The following HTR4 variants were observed in gnomAD, a reference collection of about 807,000 sequenced individuals.
The protein encoded by HTR4 is 5-hydroxytryptamine (serotonin) receptor 4, G protein-coupled.
In HTR4, 16 loss-of-function variants were observed where a neutral mutation model predicts 36.8. The ratio of observed to expected loss-of-function variants is 0.43; its 90% confidence interval spans 0.29 to 0.66. HTR4 has a LOEUF of 0.66. HTR4 is among the 30% of genes least tolerant of loss of function. HTR4 has a pLI of 0.13. For missense variants in HTR4, 438 were observed against 490.9 expected, an observed-to-expected ratio of 0.89 and a Z score of 1.02; for synonymous variants, 189 against 185.1, an observed-to-expected ratio of 1.02 and a Z score of -0.17.
chr5:148,529,523 G>T (rs543051270), intron 4 of HTR4, among the ~76,000 whole-genome samples: 1 of 152,338 alleles, frequency 6.6e-6, no homozygotes, highest in East Asian at 1.9e-4. Context: ...TGCCATGATT[G>T]TGAGGCTTCC....
At chr5:148,494,523 G>A (rs1380867642) in intron 6 of HTR4, among the ~76,000 whole-genome samples, 1 of 151,910 alleles carries the variant, frequency 6.6e-6, no homozygotes, top group Non-Finnish European at 1.5e-5. Context: ...CTCCGCTATT[G>A]ATTTCATATA....
At chr5:148,473,655 A>C (rs1310108077), downstream of HTR4, among the ~76,000 whole-genome samples, 1 of 152,140 alleles carries the variant, frequency 6.6e-6, no homozygotes, top group Non-Finnish European at 1.5e-5. Flanking sequence ...CCATTGAACA[A>C]AATTGATTTA....
In HTR4 at chr5:148,481,725, C is replaced by T. The variant is rs1755895833; in HGVS notation, c.*1478G>A. 1 of 1,434,626 alleles carries T rather than the reference C, an allele frequency of 7.0e-7. No homozygotes were observed. Among genetic ancestry groups the T allele is most frequent in the African/African-American group, 1.4e-5 (1 of 69,658 alleles). The allele number at this position is 1,434,626 out of a possible 1,614,324, so 88.9% of individuals were successfully genotyped here. A position where few individuals can be genotyped will look rare whatever the true frequency, so the allele number is the denominator to read the frequency against. ...ATAATCCTGAGATGCTATTAAACCA[C>T]AGCCAAGATCAAAGTCAGAATCTCA... On this transcript the variant is annotated 3_prime_UTR_variant, in exon 7 of 7. Coordinates refer to ENST00000377888, the MANE Select transcript of HTR4 (RefSeq NM_000870.7).
intron 2 of HTR4, among the ~76,000 whole-genome samples, chr5:148,586,458 T>A (rs988046944): frequency 1.1e-4 from 17 of 151,850 alleles, no homozygotes; most frequent in African/African-American, 3.9e-4. Context: ...ATTAGTCCAT[T>A]TTCACACAAG....
intron 6 of HTR4, among the ~76,000 whole-genome samples, chr5:148,507,935 G>T (rs913528653): frequency 2.0e-5 from 3 of 152,136 alleles, no homozygotes; most frequent in Admixed American, 1.3e-4. Flanking sequence ...TTCTTTCTAT[G>T]ACACTCCTGA....
intron 2 of HTR4, among the ~76,000 whole-genome samples, chr5:148,633,761 T>G (rs898960687): frequency 2.0e-5 from 3 of 152,168 alleles, no homozygotes; most frequent in Non-Finnish European, 4.4e-5. Flanking sequence ...AATTATTTTA[T>G]AGTAAAGAAA....
intron 2 of HTR4, among the ~76,000 whole-genome samples, chr5:148,560,867 T>TA (rs1354725430): frequency 6.6e-6 from 1 of 152,076 alleles, no homozygotes; most frequent in African/African-American, 2.4e-5. Flanking sequence ...ATATTTCCTT[T>TA]AAAAAAACAC....
At chr5:148,567,953 A>T (rs765861758) in intron 2 of HTR4, among the ~76,000 whole-genome samples, 3 of 152,146 alleles carry the variant, frequency 2.0e-5, no homozygotes, top group Non-Finnish European at 4.4e-5. Flanking sequence ...TTCTTGGCCC[A>T]TAATAGGTAC....
At chr5:148,628,844 C>T (rs1360532956) in intron 2 of HTR4, 1 of 152,170 alleles carries the variant, frequency 6.6e-6, no homozygotes, top group East Asian at 1.9e-4. Context: ...TTTCTTGAAT[C>T]TCATCACAGC....
rs1389984226 is a variant in HTR4, at chr5:148,646,912, C to T, written c.-48+7150G>A. Among the ~76,000 whole-genome samples the T allele has an allele frequency of 2.0e-5, 3 of 152,204 alleles. No individual in the cohort carries two copies. In the East Asian group the frequency reaches 5.8e-4, roughly 29 times the overall value. On this transcript the variant is annotated intron_variant, in intron 1 of 6. Transcript: ENST00000377888. ...TAAGTTATCCCACAAACAACAACAA[C>T]AACAAAAAACCCAGATCTCAATGAT... is the stretch of plus-strand genomic sequence containing the variant.
chr5:148,540,867 T>C (rs1366631143), intron 4 of HTR4, among the ~76,000 whole-genome samples: 1 of 152,048 alleles, frequency 6.6e-6, no homozygotes, highest in African/African-American at 2.4e-5. Flanking sequence ...TCAAGGGCAC[T>C]CAGCTATGAG....
intron 5 of HTR4, among the ~76,000 whole-genome samples, chr5:148,452,338 T>C (rs1219571369): frequency 6.6e-6 from 1 of 152,174 alleles, no homozygotes; most frequent in African/African-American, 2.4e-5. Context: ...CTCTAGCTCA[T>C]GCCAATACCC....
intron 4 of HTR4, among the ~76,000 whole-genome samples, chr5:148,545,899 T>G (rs553638808): frequency 6.6e-6 from 1 of 152,210 alleles, no homozygotes; most frequent in African/African-American, 2.4e-5. Flanking sequence ...GGATGGCTTT[T>G]GATCTTGTGA....
At chr5:148,472,341 T>C (rs1204077515), downstream of HTR4, among the ~76,000 whole-genome samples, 1 of 152,228 alleles carries the variant, frequency 6.6e-6, no homozygotes, top group African/African-American at 2.4e-5. Context: ...GTGAAATTGA[T>C]AGCATTTTTT....
intron 2 of HTR4, among the ~76,000 whole-genome samples, chr5:148,572,466 G>A (rs572423816): frequency 5.3e-5 from 8 of 152,154 alleles, no homozygotes; most frequent in African/African-American, 1.9e-4. Context: ...TTAATCACCA[G>A]TGGCATAATT....
chr5:148,637,964 G>T (rs1330532692), intron 1 of HTR4, among the ~76,000 whole-genome samples: 1 of 152,154 alleles, frequency 6.6e-6, no homozygotes, highest in Non-Finnish European at 1.5e-5. Context: ...TAATCTCTGA[G>T]TTCACTCCTA....
chr5:148,532,184 A>C (rs1758601239), intron 4 of HTR4, among the ~76,000 whole-genome samples: 1 of 152,168 alleles, frequency 6.6e-6, no homozygotes, highest in South Asian at 2.1e-4. Context: ...TATATGGACC[A>C]AAAACCACTG....
intron 2 of HTR4, among the ~76,000 whole-genome samples, chr5:148,576,110 C>CAAA (rs781780161): frequency 4.9e-4 from 16 of 32,662 alleles, no homozygotes; most frequent in African/African-American, 5.3e-4. Context: ...GACTCCGTCT[C>CAAA]AAAAAAAAAA....
chr5:148,626,480 T>C (rs1753113135), intron 2 of HTR4, among the ~76,000 whole-genome samples: 1 of 152,204 alleles, frequency 6.6e-6, no homozygotes, highest in Non-Finnish European at 1.5e-5. Context: ...ATGAAAAATA[T>C]TAGACTCGAT....
Sources: allele counts gnomAD v4.1 joint callset (sites outside exome capture counted in the v4.1 genomes callset), GRCh38; gene constraint gnomAD v4.1.1; transcripts MANE v1.5; gene names NCBI Gene and HGNC (gene_info 2026-07-23, HGNC 2026-07-21).